Variants in TESMIN observed in about 807,000 individuals in gnomAD.
TESMIN encodes the protein CXC domain containing 2.
Under a neutral mutation model 47.4 loss-of-function variants are expected in TESMIN, and 34 were observed. That is an observed-to-expected ratio of 0.72 (90% CI 0.55 to 0.96). The LOEUF (loss-of-function observed/expected upper bound fraction) is 0.96, where lower values mean the gene tolerates loss of function less well. TESMIN is among the 40% of genes least tolerant of loss of function. The pLI, the probability that TESMIN is intolerant of heterozygous loss-of-function variation, is 0.00. For synonymous variants in TESMIN, 278 were observed against 258.9 expected, an observed-to-expected ratio of 1.07 and a Z score of -0.71; for missense variants, 610 against 637.2, an observed-to-expected ratio of 0.96 and a Z score of 0.46.
rs1946500234 is a variant in TESMIN, at chr11:68,744,973, TATTA to T, written c.751+14_751+17del. 8 of 1,520,868 alleles carry T rather than the reference TATTA, an allele frequency of 5.3e-6. No individual in the cohort carries two copies. In the African/African-American group the frequency reaches 5.7e-5, roughly 11 times the overall value. The allele number at this position is 1,520,868 out of a possible 1,614,324, so 94.2% of individuals were successfully genotyped here. A position where few individuals can be genotyped will look rare whatever the true frequency, so the allele number is the denominator to read the frequency against. On this transcript the variant is annotated intron_variant, in intron 4 of 9. Coordinates refer to ENST00000255087, the MANE Select transcript of TESMIN (RefSeq NM_004923.3). ...CTTACATATATGACATAGTTTTTTTTATTAATTAACTTTGTACCTGACTGTAGAT... is the reference window on the plus strand; with the variant it reads ...CTTACATATATGACATAGTTTTTTTTATTAACTTTGTACCTGACTGTAGAT...
chr11:68,724,294 G>T (rs1946235787), intron 6 of TESMIN, among the ~76,000 whole-genome samples: 1 of 152,062 alleles, frequency 6.6e-6, no homozygotes, highest in African/African-American at 2.4e-5. Context: ...TACATAAAAA[G>T]GCACTCAATA....
intron 6 of TESMIN, among the ~76,000 whole-genome samples, chr11:68,720,255 A>G (rs1041182880): frequency 1.3e-5 from 2 of 152,126 alleles, no homozygotes; most frequent in African/African-American, 4.8e-5. Context: ...TGCCCTTTTA[A>G]TCTTTTGAAG....
chr11:68,717,535 A>G (rs987531922), intron 6 of TESMIN, among the ~76,000 whole-genome samples: 2 of 152,208 alleles, frequency 1.3e-5, no homozygotes, highest in African/African-American at 2.4e-5. Flanking sequence ...ACGCAGATGG[A>G]AAGAAGGGAA....
chr11:68,736,862 G>A, intron 6 of TESMIN: 2 of 984,624 alleles, frequency 2.0e-6, no homozygotes, highest in Non-Finnish European at 2.4e-6. Context: ...AGGAAAAGGG[G>A]GAAAAGGAGA....
intron 7 of TESMIN, 116 bp from the exon 8 acceptor site, chr11:68,713,523 TC>T: frequency 8.3e-7 from 1 of 1,203,108 alleles, no homozygotes; most frequent in Admixed American, 2.1e-5. Flanking sequence ...AAACAGAGTC[TC>T]TTGACATGGT....
In TESMIN at chr11:68,750,394, G is replaced by T. The variant is rs978717007; in HGVS notation, c.267C>A (p.Asp89Glu). 1.3e-6 allele frequency: 2 copies of T among 1,515,438 alleles called. No individual in the cohort carries two copies. The highest frequency in any genetic ancestry group is 1.8e-6 in the Non-Finnish European group (2 of 1,127,440). The allele number at this position is 1,515,438 out of a possible 1,614,324, so 93.9% of individuals were successfully genotyped here. ...GGTACTCCCCGAGGAGCTCCCCGCC[G>T]TCGCTGTCGCCCCCCGCGAGCTTCG... Reference protein sequence around the residue: ...VKAKLAGGDSDGGELLGEYPG... With the variant: ...VKAKLAGGDSEGGELLGEYPG... Residue 89 changes from aspartate to glutamate, a missense_variant, in exon 2 of 10, where the codon GAC becomes GAA. Transcript: ENST00000255087.
intron 6 of TESMIN, chr11:68,736,562 C>A: frequency 1.0e-6 from 1 of 985,232 alleles, no homozygotes; most frequent in Non-Finnish European, 1.2e-6. Context: ...TTGCAGATGT[C>A]GAGATAAAAA....
rs1946303203 is a variant in TESMIN, at chr11:68,729,482, G to A, written c.917+9218C>T. Among the ~76,000 whole-genome samples, 4 of 151,352 alleles carry A rather than the reference G, an allele frequency of 2.6e-5. No homozygotes were observed. The South Asian group carries it at 8.3e-4, about 31-fold the overall frequency. ...GGAGGTTACAGTGAGCCAAGATCAT[G>A]CCACTGCACTCTAGCCTGGTGACAG... is the stretch of plus-strand genomic sequence containing the variant. On this transcript the variant is annotated intron_variant, in intron 6 of 9. Transcript: ENST00000255087.
At chr11:68,738,631 T>C (rs923396661) in intron 6 of TESMIN, 69 bp downstream of exon 6, 1 of 1,597,210 alleles carries the variant, frequency 6.3e-7, no homozygotes, top group East Asian at 2.2e-5. Context: ...TAGAAGAAAA[T>C]CGTGAACGTA....
rs1213343821 is a variant in TESMIN at position 68,747,211 on chromosome 11, T to C, written c.627A>G (p.Pro209=). The C allele has an allele frequency of 3.1e-6, 5 of 1,613,942 alleles. No individual in the cohort carries two copies. Among genetic ancestry groups the C allele is most frequent in the East Asian group, 2.2e-5 (1 of 44,880 alleles). ...ACATCTTCTTTAGCATAATTACCAT[T>C]GGGTTGGAATCTTTCTTAAGAGAAC... is the stretch of plus-strand genomic sequence containing the variant. ...SCCSLKKDSN[P]MVICQLKGGT... is the part of the protein sequence containing the mutation. Residue 209 remains proline (P), a synonymous_variant, in exon 3 of 10, where the codon CCA becomes CCG. Coordinates refer to ENST00000255087, the MANE Select transcript of TESMIN (RefSeq NM_004923.3).
chr11:68,735,803 T>C (rs542633920), intron 6 of TESMIN, among the ~76,000 whole-genome samples: 18 of 152,226 alleles, frequency 1.2e-4, no homozygotes, highest in Non-Finnish European at 2.4e-4. Flanking sequence ...CCAAATGCTT[T>C]TGAAGGAGGT....
intron 2 of TESMIN, 129 bp from the exon 3 acceptor site, chr11:68,747,495 G>C (rs1413452272): frequency 1.3e-6 from 1 of 792,816 alleles, no homozygotes; most frequent in Non-Finnish European, 2.0e-6. Context: ...TACTAGGCAT[G>C]GTGGCACACT....
chr11:68,716,018 G>C, intron 6 of TESMIN, 79 bp from the exon 7 acceptor site: 1 of 930,708 alleles, frequency 1.1e-6, no homozygotes, highest in Non-Finnish European at 1.7e-6. Flanking sequence ...CACGTGTAAG[G>C]AAAGAGCGGG....
intron 8 of TESMIN, 25 bp downstream of exon 8, chr11:68,713,245 G>C (rs780741672): frequency 5.7e-6 from 9 of 1,581,892 alleles, no homozygotes; most frequent in African/African-American, 1.4e-5. Flanking sequence ...TTTTTTGTTA[G>C]TGAGTTAGGG....
chr11:68,723,462 TAA>T (rs201374225), intron 6 of TESMIN, among the ~76,000 whole-genome samples: 17 of 90,460 alleles, frequency 1.9e-4, no homozygotes, highest in Non-Finnish European at 2.7e-4. Context: ...GTGCATTTCC[TAA>T]AAAAAAAAAA....
At chr11:68,731,412 A>C (rs979087070) in intron 6 of TESMIN, among the ~76,000 whole-genome samples, 2 of 150,510 alleles carry the variant, frequency 1.3e-5, no homozygotes, top group African/African-American at 4.9e-5. Flanking sequence ...TGGGTGACAC[A>C]GTGAGACCCT....
At chr11:68,722,402 A>T (rs1946213181) in intron 6 of TESMIN, among the ~76,000 whole-genome samples, 1 of 152,216 alleles carries the variant, frequency 6.6e-6, no homozygotes, top group Non-Finnish European at 1.5e-5. Context: ...TTAAAAGTTT[A>T]AAACAGTAAA....
At chr11:68,732,421 C>A (rs1946339076) in intron 6 of TESMIN, among the ~76,000 whole-genome samples, 1 of 152,232 alleles carries the variant, frequency 6.6e-6, no homozygotes, top group African/African-American at 2.4e-5. Context: ...ACAGTCTACA[C>A]CCTGCTTTAG....
chr11:68,724,421 G>A (rs1946237399), intron 6 of TESMIN, among the ~76,000 whole-genome samples: 1 of 152,218 alleles, frequency 6.6e-6, no homozygotes. Context: ...AGAGAAGCCA[G>A]TCAGTCCTGC....
Sources: allele counts gnomAD v4.1 joint callset (sites outside exome capture counted in the v4.1 genomes callset), GRCh38; gene constraint gnomAD v4.1.1; transcripts MANE v1.5; gene names NCBI Gene and HGNC (gene_info 2026-07-23, HGNC 2026-07-21).